The following BTG4 variants were observed in gnomAD, a reference collection of about 807,000 sequenced individuals.
BTG4 encodes BTG anti-proliferation factor 4.
BTG4 carries 10 observed loss-of-function variants against 19.3 expected under a neutral mutation model. The observed-to-expected ratio is 0.52, with a 90% confidence interval of 0.32 to 0.88. The LOEUF is 0.88. BTG4 is among the 40% of genes least tolerant of loss of function. The pLI is 0.04. For synonymous variants in BTG4, 91 were observed against 95.7 expected, an observed-to-expected ratio of 0.95 and a Z score of 0.29; for missense variants, 238 against 281.9, an observed-to-expected ratio of 0.84 and a Z score of 1.11.
At chr11:111,462,861 G>A (rs1470059305), downstream of BTG4, 4 of 152,688 alleles carry the variant, frequency 2.6e-5, no homozygotes, top group Non-Finnish European at 4.4e-5. Context: ...GGAAGGTGAC[G>A]CTCTGAGGCT....
At chr11:111,433,390 C>CA in the BTG4 span, among the ~76,000 whole-genome samples, 7,275 of 151,940 alleles carry the variant, frequency 0.048, 579 homozygotes, top group African/African-American at 0.16. Context: ...TTACACCTTA[C>CA]AAAAAAATTA....
At chr11:111,402,801 C>T in the BTG4 span, among the ~76,000 whole-genome samples, 1 of 152,128 alleles carries the variant, frequency 6.6e-6, no homozygotes, top group African/African-American at 2.4e-5. Flanking sequence ...CCTTCAATGG[C>T]CTTTCAGAAT....
the BTG4 span, chr11:111,385,131 T>C: frequency 6.6e-6 from 1 of 152,170 alleles, no homozygotes; most frequent in Non-Finnish European, 1.5e-5. Context: ...CTTTTAAACA[T>C]TCTGTTTAAC....
chr11:111,502,974 C>T (rs952582470), intron 1 of BTG4, among the ~76,000 whole-genome samples: 2 of 152,202 alleles, frequency 1.3e-5, no homozygotes, highest in Non-Finnish European at 2.9e-5. Flanking sequence ...ACCTCCTTTA[C>T]ATTAATGACA....
chr11:111,487,914 G>A (rs1269723623), intron 5 of BTG4, among the ~76,000 whole-genome samples: 2 of 152,014 alleles, frequency 1.3e-5, no homozygotes, highest in African/African-American at 4.8e-5. Flanking sequence ...AGTGAATGAT[G>A]TCCACAATGA....
chr11:111,495,943 A>C (rs771073516), intron 4 of BTG4, among the ~76,000 whole-genome samples: 2 of 152,218 alleles, frequency 1.3e-5, no homozygotes, highest in Non-Finnish European at 2.9e-5. Flanking sequence ...ACATCATTTT[A>C]CTTAAAGTCA....
the BTG4 span, chr11:111,396,775 T>C: frequency 6.6e-6 from 1 of 152,268 alleles, no homozygotes; most frequent in Non-Finnish European, 1.5e-5. Context: ...TAATCGCATG[T>C]TGCTTGAATC....
the BTG4 span, among the ~76,000 whole-genome samples, chr11:111,398,615 G>A: frequency 5.3e-5 from 8 of 151,940 alleles, no homozygotes; most frequent in South Asian, 1.0e-3. Context: ...CACCATGCCC[G>A]GCTAATTTTT....
the BTG4 span, among the ~76,000 whole-genome samples, chr11:111,386,660 T>G: frequency 6.6e-6 from 1 of 152,176 alleles, no homozygotes; most frequent in Admixed American, 6.5e-5. Flanking sequence ...AGAACCACTG[T>G]TTATTATAGA....
At chr11:111,444,606 A>G in the BTG4 span, among the ~76,000 whole-genome samples, 1 of 152,346 alleles carries the variant, frequency 6.6e-6, no homozygotes, top group Admixed American at 6.5e-5. Flanking sequence ...AAAGATTGTT[A>G]TTGAATTGTT....
the BTG4 span, among the ~76,000 whole-genome samples, chr11:111,391,205 T>G: frequency 2.6e-5 from 4 of 152,298 alleles, no homozygotes; most frequent in Non-Finnish European, 5.9e-5. Context: ...ACGGCAGTCA[T>G]CAAGCCCCAG....
chr11:111,513,999 G>T (rs934908327), upstream of BTG4: 1 of 153,346 alleles, frequency 6.5e-6, no homozygotes, highest in Admixed American at 6.5e-5. Flanking sequence ...AAGTGGTTAA[G>T]TTGTTCCTGC....
chr11:111,446,647 A>G, the BTG4 span, among the ~76,000 whole-genome samples: 2 of 151,876 alleles, frequency 1.3e-5, no homozygotes, highest in African/African-American at 4.8e-5. Flanking sequence ...ACACACACAC[A>G]CACACACATC....
At chr11:111,489,788 GA>G (rs888783247) in intron 5 of BTG4, among the ~76,000 whole-genome samples, 120 of 147,156 alleles carry the variant, frequency 8.2e-4, no homozygotes, top group South Asian at 4.3e-3. Context: ...ACTTGGGAGT[GA>G]AAAAAAAAAA....
At chr11:111,435,277 G>A in the BTG4 span, among the ~76,000 whole-genome samples, 1 of 152,158 alleles carries the variant, frequency 6.6e-6, no homozygotes, top group African/African-American at 2.4e-5. Flanking sequence ...CCACTCTCAA[G>A]GGCTCAGACC....
chr11:111,502,347 C>T (rs1866140679), intron 1 of BTG4, among the ~76,000 whole-genome samples: 2 of 152,134 alleles, frequency 1.3e-5, no homozygotes, highest in Admixed American at 6.5e-5. Flanking sequence ...GCGATTCTAA[C>T]GTGCAGCAAA....
At chr11:111,472,711 A>T (rs1161716995) in intron 5 of BTG4, among the ~76,000 whole-genome samples, 1 of 152,130 alleles carries the variant, frequency 6.6e-6, no homozygotes, top group Non-Finnish European at 1.5e-5. Flanking sequence ...CTAACACACT[A>T]CATAATTTAC....
At chr11:111,508,844 T>C (rs1278207263) in intron 1 of BTG4, among the ~76,000 whole-genome samples, 2 of 150,588 alleles carry the variant, frequency 1.3e-5, no homozygotes, top group Non-Finnish European at 1.5e-5. Context: ...TACATACTAA[T>C]ATAATTAACA....
chr11:111,442,960 G>A, the BTG4 span, among the ~76,000 whole-genome samples: 1 of 152,142 alleles, frequency 6.6e-6, no homozygotes, highest in Non-Finnish European at 1.5e-5. Flanking sequence ...TTCTTCCAAT[G>A]AGCATAGTGT....
Sources: allele counts gnomAD v4.1 joint callset (sites outside exome capture counted in the v4.1 genomes callset), GRCh38; gene constraint gnomAD v4.1.1; transcripts MANE v1.5; gene names NCBI Gene and HGNC (gene_info 2026-07-23, HGNC 2026-07-21).